ADAMTSL1: variants seen among roughly 807,000 people sequenced by gnomAD.
ADAMTSL1 encodes ADAMTS-like protein 1.
Under a neutral mutation model 201.8 loss-of-function variants are expected in ADAMTSL1, and 126 were observed. That is an observed-to-expected ratio of 0.62 (90% CI 0.54 to 0.72). The LOEUF (loss-of-function observed/expected upper bound fraction) is 0.72. Among genes scored for constraint, ADAMTSL1 ranks in the 30% least tolerant of loss-of-function variants. ADAMTSL1 has a pLI of 0.00. For synonymous variants in ADAMTSL1, 1,121 were observed against 903.4 expected (o/e 1.24, Z -4.32); for missense variants, 2,679 against 2,277.8 (o/e 1.18, Z -3.59).
At chr9:18,340,808 C>A (rs1835437836) in intron 2 of ADAMTSL1, among the ~76,000 whole-genome samples, 2 of 152,250 alleles carry the variant, frequency 1.3e-5, no homozygotes, top group South Asian at 4.1e-4. Flanking sequence ...TGTGAGTCCT[C>A]CCCAGCCATG....
chr9:18,596,611 C>G (rs1587670842), intron 4 of ADAMTSL1, among the ~76,000 whole-genome samples: 1 of 152,300 alleles, frequency 6.6e-6, no homozygotes, highest in Non-Finnish European at 1.5e-5. Flanking sequence ...GAACATTTCA[C>G]ATATGTTACC....
At chr9:18,574,328 G>A in intron 4 of ADAMTSL1, 62 bp downstream of exon 4, 1 of 1,355,972 alleles carries the variant, frequency 7.4e-7, no homozygotes, top group Non-Finnish European at 1.1e-6. Flanking sequence ...TGTGTAAATG[G>A]TTTACATAGT....
chr9:18,736,699 G>A (rs1818517933), intron 15 of ADAMTSL1, among the ~76,000 whole-genome samples: 1 of 152,120 alleles, frequency 6.6e-6, no homozygotes, highest in Non-Finnish European at 1.5e-5. Flanking sequence ...GTGGTCCCAT[G>A]GATTATATTC....
chr9:18,049,608 G>A (rs752006582), intron 1 of ADAMTSL1, among the ~76,000 whole-genome samples: 65 of 150,152 alleles, frequency 4.3e-4, no homozygotes, highest in Non-Finnish European at 9.0e-4. Flanking sequence ...TCCTGTCTTC[G>A]ACTTCTTATT....
At chr9:18,684,869 G>T (rs1830729710) in intron 13 of ADAMTSL1, 69 bp downstream of exon 13, 53 of 1,535,730 alleles carry the variant, frequency 3.5e-5, no homozygotes, top group Non-Finnish European at 4.4e-5. Flanking sequence ...GTGTCTCACT[G>T]GTTGTAGCTT....
At chr9:18,079,751 T>C (rs1823404075) in intron 1 of ADAMTSL1, among the ~76,000 whole-genome samples, 2 of 151,976 alleles carry the variant, frequency 1.3e-5, no homozygotes, top group Non-Finnish European at 2.9e-5. Flanking sequence ...AAAGCAACCA[T>C]TGGTACATGT....
intron 23 of ADAMTSL1, among the ~76,000 whole-genome samples, chr9:18,862,985 T>C (rs918317418): frequency 1.3e-5 from 2 of 152,222 alleles, no homozygotes; most frequent in Non-Finnish European, 2.9e-5. Flanking sequence ...GGTTCAATTC[T>C]GATCAACAGT....
chr9:17,999,767 ACCACAGT>A (rs1181744172), intron 1 of ADAMTSL1, among the ~76,000 whole-genome samples: 84 of 116,220 alleles, frequency 7.2e-4, no homozygotes, highest in African/African-American at 2.5e-3. Context: ...CCCCCACCCC[ACCACAGT>A]CCCCAGAGTG....
At chr9:18,479,882 A>G (rs1821636029) in intron 1 of ADAMTSL1, among the ~76,000 whole-genome samples, 1 of 152,228 alleles carries the variant, frequency 6.6e-6, no homozygotes, top group African/African-American at 2.4e-5. Flanking sequence ...GCGTTTCACT[A>G]TTTCTGGTTT....
chr9:17,918,042 C>CTT (rs1388953533), intron 1 of ADAMTSL1, among the ~76,000 whole-genome samples: 1 of 151,752 alleles, frequency 6.6e-6, no homozygotes, highest in Non-Finnish European at 1.5e-5. Context: ...ATTGGTTATT[C>CTT]TTTCTTTTTC....
intron 1 of ADAMTSL1, among the ~76,000 whole-genome samples, chr9:18,136,349 T>C (rs895547108): frequency 6.6e-6 from 1 of 152,168 alleles, no homozygotes; most frequent in South Asian, 2.1e-4. Flanking sequence ...GATTAGACAG[T>C]AAATGTAAGC....
At chr9:18,691,487 A>G (rs1381958880) in intron 13 of ADAMTSL1, among the ~76,000 whole-genome samples, 1 of 152,162 alleles carries the variant, frequency 6.6e-6, no homozygotes, top group Non-Finnish European at 1.5e-5. Flanking sequence ...ATTCCTACCT[A>G]TATGTTAAAA....
Position 18,594,824 on chromosome 9 carries a change from G to A in ADAMTSL1, c.474+20558G>A, listed in dbSNP as rs144925630. On this transcript the variant is annotated intron_variant, in intron 4 of 28. Coordinates refer to ENST00000380548, the MANE Select transcript of ADAMTSL1 (RefSeq NM_001040272.6). ...AGGGTTGATCTCTGGCGTCTTGTCT[G>A]TTTGGTGCAGCCATATTTTCCTGAA... is the stretch of plus-strand genomic sequence containing the variant. 2.1e-3 allele frequency among the ~76,000 whole-genome samples: 320 copies of A among 152,174 alleles called. 3 individuals carry two copies. The highest frequency in any genetic ancestry group is 7.2e-3 in the African/African-American group (297 of 41,534).
At chr9:18,210,709 G>A (rs1248443600) in intron 2 of ADAMTSL1, among the ~76,000 whole-genome samples, 1 of 151,510 alleles carries the variant, frequency 6.6e-6, no homozygotes, top group Admixed American at 6.6e-5. Flanking sequence ...CAGCTCAAAG[G>A]CAACGAACAG....
At chr9:17,914,347 G>A (rs1479579889) in intron 1 of ADAMTSL1, among the ~76,000 whole-genome samples, 1 of 152,080 alleles carries the variant, frequency 6.6e-6, no homozygotes, top group Non-Finnish European at 1.5e-5. Flanking sequence ...TTCATCCCTG[G>A]GATGCAAGGC....
chr9:17,980,807 C>G (rs796600987), intron 1 of ADAMTSL1, among the ~76,000 whole-genome samples: 1 of 152,106 alleles, frequency 6.6e-6, no homozygotes, highest in African/African-American at 2.4e-5. Context: ...GCTTACAGTT[C>G]TGCAGGCTGT....
At chr9:18,711,527 C>A (rs956407560) in intron 14 of ADAMTSL1, among the ~76,000 whole-genome samples, 1 of 152,248 alleles carries the variant, frequency 6.6e-6, no homozygotes, top group Non-Finnish European at 1.5e-5. Context: ...CCAAATACTG[C>A]GCTTTTCCGA....
intron 1 of ADAMTSL1, among the ~76,000 whole-genome samples, chr9:17,929,136 A>C (rs1050568478): frequency 6.6e-6 from 1 of 152,178 alleles, no homozygotes; most frequent in Admixed American, 6.5e-5. Context: ...TTAAATATAA[A>C]AACTTTTAAA....
At chr9:18,530,313 AT>A (rs1819363720) in intron 2 of ADAMTSL1, among the ~76,000 whole-genome samples, 1 of 152,124 alleles carries the variant, frequency 6.6e-6, no homozygotes, top group South Asian at 2.1e-4. Flanking sequence ...TGTTTCCATA[AT>A]TTTTTTCATG....
Sources: gnomAD v4.1 joint callset for allele counts (sites outside exome capture counted in the v4.1 genomes callset) on GRCh38, gnomAD v4.1.1 for gene constraint, MANE v1.5 for transcripts, NCBI Gene and HGNC (gene_info 2026-07-23, HGNC 2026-07-21) for gene names.